Variants in TRAPPC9 observed in about 807,000 individuals in gnomAD.
TRAPPC9 encodes IKK2 binding protein.
In TRAPPC9, 83 loss-of-function variants were observed where a neutral mutation model predicts 124.0. The observed-to-expected ratio is 0.67, with a 90% CI of 0.56 to 0.80. The LOEUF (loss-of-function observed/expected upper bound fraction) is 0.80, where lower values mean the gene tolerates loss of function less well. Ranked by LOEUF, TRAPPC9 falls within the 30% of genes least tolerant of loss-of-function variation. TRAPPC9 has a pLI of 0.00. For synonymous variants in TRAPPC9, 638 were observed against 617.5 expected (o/e 1.03, Z -0.49); for missense variants, 1,302 against 1,508.3 (o/e 0.86, Z 2.27).
At chr8:139,796,050 AGGAG>A (rs1563819680) in intron 21 of TRAPPC9, among the ~76,000 whole-genome samples, 9 of 143,040 alleles carry the variant, frequency 6.3e-5, no homozygotes, top group African/African-American at 2.5e-4. Context: ...GAGGAGAAGG[AGGAG>A]GAAGAGGAAG....
At chr8:140,285,668 G>A (rs754195524) in intron 13 of TRAPPC9, among the ~76,000 whole-genome samples, 5 of 151,142 alleles carry the variant, frequency 3.3e-5, no homozygotes, top group African/African-American at 7.3e-5. Context: ...TTACCACCAC[G>A]TTGTTCTTTC....
intron 19 of TRAPPC9, among the ~76,000 whole-genome samples, chr8:139,971,062 C>T (rs1836031302): frequency 6.6e-6 from 1 of 152,082 alleles, no homozygotes; most frequent in South Asian, 2.1e-4. Flanking sequence ...GAATCCACCT[C>T]TTTTCTCTGC....
intron 17 of TRAPPC9, among the ~76,000 whole-genome samples, chr8:140,155,857 C>T (rs1270473037): frequency 2.6e-5 from 4 of 152,176 alleles, no homozygotes; most frequent in African/African-American, 9.7e-5. Context: ...TTCAAAGACA[C>T]TTGCAAACCT....
chr8:140,175,071 A>G (rs2062035764), intron 17 of TRAPPC9, among the ~76,000 whole-genome samples: 1 of 151,740 alleles, frequency 6.6e-6, no homozygotes, highest in Non-Finnish European at 1.5e-5. Context: ...TTTAACAGAC[A>G]ACAAAAATGG....
intron 17 of TRAPPC9, among the ~76,000 whole-genome samples, chr8:140,220,994 T>C (rs2063326782): frequency 1.3e-5 from 2 of 152,198 alleles, no homozygotes; most frequent in Admixed American, 6.5e-5. Context: ...TGCTCACTGC[T>C]GGCCTACAAG....
At chr8:139,970,998 C>CCATA (rs1211884585) in intron 19 of TRAPPC9, among the ~76,000 whole-genome samples, 1 of 151,966 alleles carries the variant, frequency 6.6e-6, no homozygotes, top group Non-Finnish European at 1.5e-5. Context: ...CCCTCCTTCT[C>CCATA]CATACCCCAC....
chr8:140,197,692 C>G (rs2062701121), intron 17 of TRAPPC9, among the ~76,000 whole-genome samples: 1 of 152,074 alleles, frequency 6.6e-6, no homozygotes, highest in South Asian at 2.1e-4. Flanking sequence ...TAATGAGCTC[C>G]CTGTTGCTTT....
At chr8:140,187,481 C>A (rs894615145) in intron 17 of TRAPPC9, among the ~76,000 whole-genome samples, 5 of 152,226 alleles carry the variant, frequency 3.3e-5, no homozygotes, top group African/African-American at 1.2e-4. Context: ...CAAGGCTATA[C>A]TTCCTGAAAC....
At chr8:140,231,481 CTTTTTTTT>C (rs71320347) in intron 16 of TRAPPC9, among the ~76,000 whole-genome samples, 1 of 56,954 alleles carries the variant, frequency 1.8e-5, no homozygotes, top group African/African-American at 7.3e-5. Context: ...ACTGCCTTTT[CTTTTTTTT>C]TTTTTTTTTT....
chr8:140,017,102 T>C (rs1269764488), intron 18 of TRAPPC9, among the ~76,000 whole-genome samples: 2 of 152,344 alleles, frequency 1.3e-5, no homozygotes, highest in East Asian at 3.9e-4. Flanking sequence ...AAATTTTCTA[T>C]TTATCACCTT....
rs917586121 is a variant in TRAPPC9, at chr8:139,776,780, T to A, written c.3056-44578A>T. Among the ~76,000 whole-genome samples the A allele has an allele frequency of 1.3e-5, 2 of 152,188 alleles. No homozygotes were observed. Among genetic ancestry groups the A allele is most frequent in the African/African-American group, 4.8e-5 (2 of 41,452 alleles). On this transcript the variant is annotated intron_variant, in intron 21 of 22. Transcript: ENST00000438773. This position sits in a 1 kb window ranked among gnomAD's most constrained non-coding sequence, Gnocchi z 4.1. The stretch of plus-strand genomic sequence containing the variant: ...TGATAAATCTTACCTGGGAAACGAC[T>A]GCATAAGAAGTTCCTCAGGGAAAAC...
At chr8:139,950,279 T>C (rs1408927198) in intron 19 of TRAPPC9, among the ~76,000 whole-genome samples, 1 of 152,258 alleles carries the variant, frequency 6.6e-6, no homozygotes, top group Non-Finnish European at 1.5e-5. Flanking sequence ...TATGCACAAA[T>C]ACTTTTTACT....
chr8:139,816,809 G>C (rs752867542), intron 21 of TRAPPC9, among the ~76,000 whole-genome samples: 4 of 152,070 alleles, frequency 2.6e-5, no homozygotes, highest in Non-Finnish European at 4.4e-5. Flanking sequence ...ACTCCTGCCA[G>C]GAACAGTGAC....
chr8:140,003,186 T>C (rs1037051985), intron 18 of TRAPPC9, among the ~76,000 whole-genome samples: 5 of 152,086 alleles, frequency 3.3e-5, no homozygotes, highest in East Asian at 1.9e-4. Flanking sequence ...TAATAAAACA[T>C]TGGGCAAAAA....
At chr8:140,438,383 C>G (rs1215825940) in intron 3 of TRAPPC9, among the ~76,000 whole-genome samples, 1 of 152,186 alleles carries the variant, frequency 6.6e-6, no homozygotes, top group Admixed American at 6.5e-5. Flanking sequence ...TATGCCCATA[C>G]CACATTTCGT....
chr8:139,757,786 T>G (rs780927185), intron 21 of TRAPPC9, among the ~76,000 whole-genome samples: 1 of 152,106 alleles, frequency 6.6e-6, no homozygotes, highest in Non-Finnish European at 1.5e-5. Context: ...TCACCTGCAC[T>G]GCCCACAGTT....
At chr8:139,810,002 A>C (rs1481099993) in intron 21 of TRAPPC9, among the ~76,000 whole-genome samples, 4 of 152,202 alleles carry the variant, frequency 2.6e-5, no homozygotes, top group Non-Finnish European at 4.4e-5. Flanking sequence ...ATGCTAAATC[A>C]CTGGGTAACT....
chr8:140,168,236 T>C (rs1383279943), intron 17 of TRAPPC9, among the ~76,000 whole-genome samples: 1 of 152,220 alleles, frequency 6.6e-6, no homozygotes, highest in African/African-American at 2.4e-5. Flanking sequence ...TTTTTAAAAT[T>C]TGTCAATAAC....
intron 17 of TRAPPC9, among the ~76,000 whole-genome samples, chr8:140,049,267 G>A (rs1025422123): frequency 2.6e-5 from 4 of 152,238 alleles, no homozygotes; most frequent in African/African-American, 9.6e-5. Context: ...CCTATGGCAT[G>A]AGGCTCCTAA....
Sources: gnomAD v4.1 joint callset for allele counts (sites outside exome capture counted in the v4.1 genomes callset) on GRCh38, gnomAD v4.1.1 for gene constraint, Gnocchi (gnomAD v3.1) non-coding constraint, MANE v1.5 for transcripts, NCBI Gene and HGNC (gene_info 2026-07-23, HGNC 2026-07-21) for gene names.